The following PDZD4 variants were observed in gnomAD, a reference collection of about 807,000 sequenced individuals.
PDZD4 encodes the protein PDZ domain-containing protein 4.
PDZD4 carries 9 observed loss-of-function variants against 38.5 expected under a neutral mutation model. The observed-to-expected ratio is 0.23, with a 90% CI of 0.14 to 0.41. The LOEUF (loss-of-function observed/expected upper bound fraction) is 0.41, where lower values mean the gene tolerates loss of function less well. Among genes scored for constraint, PDZD4 ranks in the 10% least tolerant of loss-of-function variants. The pLI, the probability that PDZD4 is intolerant of heterozygous loss-of-function variation, is 1.00. For missense variants in PDZD4, 612 were observed against 722.0 expected, an observed-to-expected ratio of 0.85 and a Z score of 1.75; for synonymous variants, 349 against 315.7, an observed-to-expected ratio of 1.11 and a Z score of -1.12.
chrX:153,819,689 GC>G (rs1557080811), intron 1 of PDZD4, among the ~76,000 whole-genome samples: 1 of 112,697 alleles, frequency 8.9e-6, no homozygotes, highest in Non-Finnish European at 1.9e-5. Flanking sequence ...TGTGACTGTA[GC>G]TTCCAGGCCA....
chrX:153,820,385 G>GCGTGA (rs1158655602), intron 1 of PDZD4, among the ~76,000 whole-genome samples: 4 of 100,730 alleles, frequency 4.0e-5, no homozygotes, highest in African/African-American at 1.5e-4. Flanking sequence ...GCGAGGCGTG[G>GCGTGA]TGGTGCAGCC....
chrX:153,819,170 G>A (rs1290122827), intron 1 of PDZD4, among the ~76,000 whole-genome samples: 1 of 112,830 alleles, frequency 8.9e-6, no homozygotes, highest in African/African-American at 3.2e-5. Context: ...TCCCGGCGCC[G>A]CCACGCTGGT....
Position 153,803,488 on chromosome X carries a change from G to A in PDZD4, c.2193C>T (p.His731=), listed in dbSNP as rs371190527. The change falls in exon 8 of 8, where the codon CAC becomes CAT. Residue 731 remains histidine, a synonymous_variant. Coordinates refer to ENST00000393758, the MANE Select transcript of PDZD4 (RefSeq NM_001303512.2). ...KPELNIIALS[H]RKTMKKRNKK... ...TGTTCCGCTTCTTCATGGTTTTGCG[G>A]TGGCTCAGGGCAATGATGTTGAGCT... 42 of 1,169,426 alleles carry A rather than the reference G, an allele frequency of 3.6e-5. No homozygotes were observed. The highest frequency in any genetic ancestry group is 4.7e-5 in the Non-Finnish European group (41 of 873,924).
chrX:153,806,855 C>A lies in PDZD4; in HGVS notation c.406-15G>T. The A allele has an allele frequency of 8.4e-7, 1 of 1,187,914 alleles. No homozygotes were observed. The highest frequency in any genetic ancestry group is 1.1e-6 in the Non-Finnish European group (1 of 874,385). ...AGCTCCACCTCCTGCCACGAGGGGTCCGGGAGGAAGCAGAGGTAGAAAGCC... is the reference window on the plus strand; with the variant it reads ...AGCTCCACCTCCTGCCACGAGGGGTACGGGAGGAAGCAGAGGTAGAAAGCC... On this transcript the variant is annotated splice_polypyrimidine_tract_variant and intron_variant, in intron 3 of 7. Transcript: ENST00000393758.
At chrX:153,820,989 G>A (rs1201486058) in intron 1 of PDZD4, among the ~76,000 whole-genome samples, 6 of 112,580 alleles carry the variant, frequency 5.3e-5, no homozygotes, top group African/African-American at 1.9e-4. Context: ...AATGGTTTTG[G>A]CATCCAGTGA....
rs1557078071 is a variant in PDZD4, at chrX:153,808,599, C to T, written c.61-4G>A. 1.1e-5 allele frequency: 13 copies of T among 1,154,683 alleles called. No individual in the cohort carries two copies. The highest frequency in any genetic ancestry group is 9.3e-5 in the East Asian group (3 of 32,279). On this transcript the variant is annotated splice_region_variant and splice_polypyrimidine_tract_variant and intron_variant, in intron 1 of 7. Coordinates refer to ENST00000393758, the MANE Select transcript of PDZD4 (RefSeq NM_001303512.2). ...TGGAGAGCTCCTTCCCGTTCACCTG[C>T]GGCAGAGACACGCCTCCGTAAGAAC...
rs781798510 is a variant in PDZD4, at chrX:153,804,126, T to G, written c.1555A>C (p.Thr519Pro). Residue 519 changes from threonine (T) to proline (P), a missense_variant, in exon 8 of 8, where the codon ACC becomes CCC. This residue lies in a region of PDZD4 where 300 missense variants were observed against 284.6 expected (regional missense o/e 1.05). Transcript: ENST00000393758. ...NRTPPGPAVA[T>P]PAKAAPPPGS... ...GGTGGAGGAGCTGCCTTGGCGGGGG[T>G]GGCAACAGCGGGGCCGGGAGGGGTC... is the stretch of plus-strand genomic sequence containing the variant. The G allele has an allele frequency of 2.6e-6, 3 of 1,146,461 alleles. No homozygotes were observed. Among genetic ancestry groups the G allele is most frequent in the East Asian group, 3.3e-5 (1 of 30,569 alleles). The allele number at this position is 1,146,461 out of a possible 1,213,427, so 94.5% of individuals were successfully genotyped here. A position where few individuals can be genotyped will look rare whatever the true frequency, so the allele number is the denominator to read the frequency against.
In PDZD4 at chrX:153,803,558, C is replaced by T; in HGVS notation, c.2123G>A (p.Arg708Gln). ...RKRREFMMQS[R>Q]LECLREQQNG... ...CTGCTGCTCCCGCAGGCACTCCAGC[C>T]GGCTCTGCATCATGAACTCGCGCCG... Residue 708 changes from arginine to glutamine, a missense_variant, in exon 8 of 8, where the codon CGG becomes CAG. Arg to Gln is a conservative substitution (Grantham distance 43). Coordinates refer to ENST00000393758, the MANE Select transcript of PDZD4 (RefSeq NM_001303512.2). 8.3e-7 allele frequency: 1 copy of T among 1,208,984 alleles called. No homozygotes were observed. Among genetic ancestry groups the T allele is most frequent in the Non-Finnish European group, 1.1e-6 (1 of 894,248 alleles).
Position 153,804,041 on chromosome X carries a change from T to C in PDZD4, c.1640A>G (p.His547Arg), listed in dbSNP as rs1557075758. 1 of 1,158,794 alleles carries C rather than the reference T, an allele frequency of 8.6e-7. No individual in the cohort carries two copies. Among genetic ancestry groups the C allele is most frequent in the Non-Finnish European group, 1.1e-6 (1 of 871,471 alleles). ...GTTGCGGCGGCCGCGCTCCTCCGCG[T>C]GCTGCCTCCGGCCGGCCTCAGGATC... ...SRDPEAGRRQ[H>R]AEERGRRNPK... The change falls in exon 8 of 8, where the codon CAC (histidine) becomes CGC (arginine). Residue 547 changes from histidine to arginine, a missense_variant. This residue lies in a region of PDZD4 where 300 missense variants were observed against 284.6 expected (regional missense o/e 1.05). Coordinates refer to ENST00000393758, the MANE Select transcript of PDZD4 (RefSeq NM_001303512.2).
At chrX:153,811,544 T>C (rs1223716449) in intron 1 of PDZD4, among the ~76,000 whole-genome samples, 6 of 112,489 alleles carry the variant, frequency 5.3e-5, no homozygotes, top group African/African-American at 1.9e-4. Flanking sequence ...ATGTTCATCA[T>C]CACATCAGTA....
chrX:153,821,061 G>C (rs1304895488), intron 1 of PDZD4, among the ~76,000 whole-genome samples: 23 of 112,597 alleles, frequency 2.0e-4, no homozygotes, highest in African/African-American at 6.8e-4. Flanking sequence ...CAACATGTTA[G>C]AATTCTAGCA....
chrX:153,806,009 G>A (rs782422411), intron 5 of PDZD4, 62 bp downstream of exon 5: 168 of 1,139,672 alleles, frequency 1.5e-4, no homozygotes, highest in Non-Finnish European at 1.9e-4. Context: ...GCTAAAGAGA[G>A]GTGGCTGGGC....
At position 153,806,147 on chromosome X, in the gene PDZD4, G is replaced by T. The variant is rs782708564; in HGVS notation, c.505-14C>A. 6 of 1,208,342 alleles carry T rather than the reference G, an allele frequency of 5.0e-6. No individual in the cohort carries two copies. The highest frequency in any genetic ancestry group is 6.7e-6 in the Non-Finnish European group (6 of 893,596). ...GTTGGGATTTACCTGCAGGACACACGCATCTTGGGGACTTGGTGCCTAACA... is the reference window on the plus strand; with the variant it reads ...GTTGGGATTTACCTGCAGGACACACTCATCTTGGGGACTTGGTGCCTAACA... On this transcript the variant is annotated splice_polypyrimidine_tract_variant and intron_variant, in intron 4 of 7. Transcript: ENST00000393758.
intron 1 of PDZD4, among the ~76,000 whole-genome samples, chrX:153,824,534 C>A (rs1172281602): frequency 1.8e-5 from 2 of 111,232 alleles, no homozygotes; most frequent in Non-Finnish European, 3.8e-5. Flanking sequence ...AGCCCCCATG[C>A]AAGCAGGAGG....
At position 153,803,568 on chromosome X, in the gene PDZD4, T is replaced by G; in HGVS notation, c.2113A>C (p.Met705Leu). 1.7e-6 allele frequency: 2 copies of G among 1,210,327 alleles called. No homozygotes were observed. The highest frequency in any genetic ancestry group is 3.0e-5 in the East Asian group (1 of 33,818). Reference sequence around the variant, plus strand: ...CGCAGGCACTCCAGCCGGCTCTGCATCATGAACTCGCGCCGCTTCCGCTGC... The same window carrying G: ...CGCAGGCACTCCAGCCGGCTCTGCAGCATGAACTCGCGCCGCTTCCGCTGC... ...REQRKRREFMMQSRLECLREQ... is the reference protein window; with the variant it reads ...REQRKRREFMLQSRLECLREQ... Residue 705 changes from methionine to leucine, a missense_variant, in exon 8 of 8, where the codon ATG (methionine) becomes CTG (leucine). Met to Leu is a conservative substitution (Grantham distance 15). Coordinates refer to ENST00000393758, the MANE Select transcript of PDZD4 (RefSeq NM_001303512.2).
intron 1 of PDZD4, among the ~76,000 whole-genome samples, chrX:153,810,784 C>T (rs1557078632): frequency 8.9e-6 from 1 of 112,094 alleles, no homozygotes; most frequent in Non-Finnish European, 1.9e-5. Flanking sequence ...CCAGCTTGTC[C>T]TCGGAACCCC....
At chrX:153,809,828 G>A (rs1257938542) in intron 1 of PDZD4, among the ~76,000 whole-genome samples, 4 of 113,005 alleles carry the variant, frequency 3.5e-5, no homozygotes, top group East Asian at 5.6e-4. Flanking sequence ...GGAGGCCATC[G>A]CGGGCCAGGG....
chrX:153,827,499 A>G (rs2064494442), intron 1 of PDZD4, among the ~76,000 whole-genome samples: 1 of 112,801 alleles, frequency 8.9e-6, no homozygotes, highest in Non-Finnish European at 1.9e-5. Context: ...TGACGAATGG[A>G]TAAATATGTT....
In PDZD4 at chrX:153,804,406, C is replaced by T. The variant is rs782730869; in HGVS notation, c.1275G>A (p.Ala425=). 1.1e-5 allele frequency: 13 copies of T among 1,208,660 alleles called. No homozygotes were observed. Among genetic ancestry groups the T allele is most frequent in the East Asian group, 3.0e-5 (1 of 33,799 alleles). Residue 425 remains alanine (A), a synonymous_variant, in exon 8 of 8, where the codon GCG becomes GCA. Coordinates refer to ENST00000393758, the MANE Select transcript of PDZD4 (RefSeq NM_001303512.2). The part of the protein sequence containing the change: ...LEFKCRNILR[A]QKMQQLRERC... The stretch of plus-strand genomic sequence containing the variant: ...GCTCACGCAGCTGCTGCATCTTCTG[C>T]GCCCGCAGTATGTTGCGGCACTTGA...
Sources: allele counts gnomAD v4.1 joint callset (sites outside exome capture counted in the v4.1 genomes callset), GRCh38; gene constraint gnomAD v4.1.1; regional missense constraint gnomAD v4.1.1; transcripts MANE v1.5; gene names NCBI Gene and HGNC (gene_info 2026-07-23, HGNC 2026-07-21).